Variants in MTSS1 observed in about 807,000 individuals in gnomAD.
The protein encoded by MTSS1 is protein MTSS 1.
In MTSS1, 18 loss-of-function variants were observed where a neutral mutation model predicts 79.0. That is an observed-to-expected ratio of 0.23 (90% CI 0.16 to 0.34). The LOEUF is 0.34. Among genes scored for constraint, MTSS1 ranks in the 10% least tolerant of loss-of-function variants. The probability of loss-of-function intolerance (pLI) is 1.00; values close to 1 mark genes in which losing one functional copy is unlikely to be tolerated. For missense variants in MTSS1, 815 were observed against 986.2 expected, an observed-to-expected ratio of 0.83 and a Z score of 2.33; for synonymous variants, 341 against 368.6, an observed-to-expected ratio of 0.93 and a Z score of 0.86.
intron 10 of MTSS1, among the ~76,000 whole-genome samples, chr8:124,560,496 A>G (rs926948608): frequency 6.6e-6 from 1 of 152,206 alleles, no homozygotes; most frequent in Admixed American, 6.5e-5. Flanking sequence ...CAAATCTAAA[A>G]TAAAATTAGC....
At chr8:124,577,488 G>A (rs991870238) in intron 6 of MTSS1, 1 of 488,756 alleles carries the variant, frequency 2.0e-6, no homozygotes, top group Non-Finnish European at 4.1e-6. Context: ...GACCTCAAGT[G>A]ATCCTCCCAA....
At position 124,604,243 on chromosome 8, in the gene MTSS1, CA is replaced by C. The variant is rs916339839; in HGVS notation, c.209-13009del. 2.4e-4 allele frequency among the ~76,000 whole-genome samples: 36 copies of C among 148,006 alleles called. 1 individual carries two copies. The highest frequency in any genetic ancestry group is 1.9e-3 in the Admixed American group (28 of 14,868). ...TAAATAAAATAAAATAAAATAAAAG[CA>C]AAAAAAAACCGTTTCAAGAAAGTTG... On this transcript the variant is annotated intron_variant, in intron 3 of 13. Coordinates refer to ENST00000518547, the MANE Select transcript of MTSS1 (RefSeq NM_014751.6).
At chr8:124,564,074 C>T (rs969047503) in intron 9 of MTSS1, among the ~76,000 whole-genome samples, 8 of 142,004 alleles carry the variant, frequency 5.6e-5, no homozygotes, top group Non-Finnish European at 1.0e-4. Flanking sequence ...GAAGTTGCAG[C>T]GAGCTGAGAT....
chr8:124,563,117 T>A, intron 9 of MTSS1, 125 bp from the exon 10 acceptor site: 2 of 787,368 alleles, frequency 2.5e-6, no homozygotes, highest in Non-Finnish European at 4.0e-6. Context: ...CATAATGCAA[T>A]TAGCTCTCTG....
At chr8:124,575,700 T>G (rs1828840794) in intron 6 of MTSS1, among the ~76,000 whole-genome samples, 1 of 152,218 alleles carries the variant, frequency 6.6e-6, no homozygotes, top group Non-Finnish European at 1.5e-5. Flanking sequence ...ATCATCAAGA[T>G]TCTTCACTGG....
intron 3 of MTSS1, among the ~76,000 whole-genome samples, chr8:124,675,556 A>C (rs892042600): frequency 6.6e-5 from 10 of 152,254 alleles, no homozygotes; most frequent in African/African-American, 2.4e-4. Context: ...AGAAGCGTTC[A>C]GTGCATTCAC....
rs546980545 is a variant in MTSS1, at chr8:124,725,747, T to C, written c.72+2137A>G. Among the ~76,000 whole-genome samples, 4 of 152,358 alleles carry C rather than the reference T, an allele frequency of 2.6e-5. No individual in the cohort carries two copies. In the East Asian group the frequency reaches 5.8e-4, roughly 22 times the overall value. On this transcript the variant is annotated intron_variant, in intron 1 of 13. Coordinates refer to ENST00000518547, the MANE Select transcript of MTSS1 (RefSeq NM_014751.6). ...TATCAGATCTGTTCAAATTTAAAAA[T>C]TTTTAATTTCCATTTAAAATGTCAC...
At chr8:124,559,578 C>A (rs1043598735) in intron 10 of MTSS1, among the ~76,000 whole-genome samples, 1 of 152,174 alleles carries the variant, frequency 6.6e-6, no homozygotes, top group African/African-American at 2.4e-5. Flanking sequence ...TGATGGAACC[C>A]CAGGTCCCTG....
At chr8:124,631,733 C>G (rs1815992052) in intron 3 of MTSS1, among the ~76,000 whole-genome samples, 1 of 152,264 alleles carries the variant, frequency 6.6e-6, no homozygotes, top group East Asian at 1.9e-4. Context: ...TTTAGCACCA[C>G]TGCTTAGCCA....
intron 3 of MTSS1, among the ~76,000 whole-genome samples, chr8:124,612,573 A>AGT (rs1563858363): frequency 6.7e-5 from 8 of 119,750 alleles, no homozygotes; most frequent in South Asian, 3.3e-4. Context: ...CCAAGTTTAA[A>AGT]ATGTGTGTGT....
chr8:124,569,058 A>G (rs1354136488), intron 6 of MTSS1, among the ~76,000 whole-genome samples: 3 of 152,194 alleles, frequency 2.0e-5, no homozygotes, highest in Non-Finnish European at 4.4e-5. Context: ...CTGGGGGCCC[A>G]TGGGAATCCT....
chr8:124,599,255 G>A (rs879834416), intron 3 of MTSS1, among the ~76,000 whole-genome samples: 4 of 152,236 alleles, frequency 2.6e-5, no homozygotes, highest in Admixed American at 2.0e-4. Context: ...AGGCCGAGGC[G>A]GGCCGATTGC....
chr8:124,716,994 A>C (rs1028870985), intron 1 of MTSS1, among the ~76,000 whole-genome samples: 67 of 146,402 alleles, frequency 4.6e-4, no homozygotes, highest in Non-Finnish European at 8.0e-4. Context: ...AGGGTTGCTT[A>C]TAATTAGTAA....
At position 124,620,339 on chromosome 8, in the gene MTSS1, A is replaced by C. The variant is rs566881431; in HGVS notation, c.209-29104T>G. Among the ~76,000 whole-genome samples the C allele has an allele frequency of 9.3e-4, 141 of 152,320 alleles. 2 individuals carry two copies. In the South Asian group the frequency reaches 0.01, roughly 11 times the overall value. On this transcript the variant is annotated intron_variant, in intron 3 of 13. Coordinates refer to ENST00000518547, the MANE Select transcript of MTSS1 (RefSeq NM_014751.6). ...AGTTAGCAGTTGGGGCTTCATACCC[A>C]AACTTGGGCATTTTTGTCTGTGGGA... is the stretch of plus-strand genomic sequence containing the variant.
At chr8:124,688,990 A>T (rs908756156) in intron 3 of MTSS1, among the ~76,000 whole-genome samples, 17 of 152,140 alleles carry the variant, frequency 1.1e-4, no homozygotes, top group Non-Finnish European at 2.2e-4. Flanking sequence ...GTTCCTTTAA[A>T]AAAAAAAACT....
chr8:124,586,871 G>C (rs1168275573), intron 5 of MTSS1, among the ~76,000 whole-genome samples: 1 of 152,148 alleles, frequency 6.6e-6, no homozygotes, highest in East Asian at 1.9e-4. Flanking sequence ...TGGGAAGGAG[G>C]GGGAAATATT....
intron 3 of MTSS1, among the ~76,000 whole-genome samples, chr8:124,649,353 A>G (rs979125008): frequency 1.3e-5 from 2 of 152,196 alleles, no homozygotes; most frequent in Non-Finnish European, 2.9e-5. Flanking sequence ...GGTGTCCATC[A>G]TTATCAGCAG....
chr8:124,564,879 G>C (rs1586836002), intron 9 of MTSS1: 2 of 152,394 alleles, frequency 1.3e-5, no homozygotes, highest in East Asian at 3.9e-4. Context: ...CAGACAGATT[G>C]AGCAGATACA....
At chr8:124,558,783 A>T in intron 10 of MTSS1, 1 of 1,582,824 alleles carries the variant, frequency 6.3e-7, no homozygotes, top group South Asian at 1.1e-5. Context: ...GCACTCGCTC[A>T]CTGACTGGCA....
Sources: allele counts gnomAD v4.1 joint callset (sites outside exome capture counted in the v4.1 genomes callset), GRCh38; gene constraint gnomAD v4.1.1; transcripts MANE v1.5; gene names NCBI Gene and HGNC (gene_info 2026-07-23, HGNC 2026-07-21).